CRTAC1: variants seen among roughly 807,000 people sequenced by gnomAD.
The protein encoded by CRTAC1 is cartilage acidic protein 1.
In CRTAC1, 37 loss-of-function variants were observed where a neutral mutation model predicts 67.8. The observed-to-expected ratio is 0.55, with a 90% CI of 0.42 to 0.72. The LOEUF (loss-of-function observed/expected upper bound fraction) is 0.72, where lower values mean the gene tolerates loss of function less well. Ranked by LOEUF, CRTAC1 falls within the 30% of genes least tolerant of loss-of-function variation. CRTAC1 has a pLI of 0.00. For synonymous variants in CRTAC1, 348 were observed against 371.0 expected (o/e 0.94, Z 0.71); for missense variants, 780 against 931.6 (o/e 0.84, Z 2.12).
intron 11 of CRTAC1, among the ~76,000 whole-genome samples, chr10:97,894,788 G>T (rs2050432197): frequency 8.8e-6 from 1 of 113,522 alleles, no homozygotes; most frequent in Admixed American, 1.2e-4. Flanking sequence ...TCATCCCCCT[G>T]CCCTTGCCAA....
intron 2 of CRTAC1, among the ~76,000 whole-genome samples, chr10:97,945,326 TC>T (rs928197382): frequency 6.6e-6 from 1 of 152,218 alleles, no homozygotes; most frequent in Non-Finnish European, 1.5e-5. Flanking sequence ...GTTTTTCTAC[TC>T]CTCTTTCTCT....
chr10:97,885,683 G>A (rs1304854295), intron 11 of CRTAC1, among the ~76,000 whole-genome samples: 1 of 152,174 alleles, frequency 6.6e-6, no homozygotes. Context: ...TTCCAGGAGA[G>A]GCTGCTCTCA....
In CRTAC1 at chr10:97,901,547, G is replaced by A. The variant is rs753762714; in HGVS notation, c.1089C>T (p.Phe363=). Residue 363 remains phenylalanine, a synonymous_variant, in exon 8 of 15, where the codon TTC becomes TTT. Coordinates refer to ENST00000370597, the MANE Select transcript of CRTAC1 (RefSeq NM_018058.7). ...AGGAGCTGCGGTAGGCAATGTTGTT[G>A]AAGAAGATCTCCAGCTCCTGGTCAT... ...FDNDQELEIF[F]NNIAYRSSSA... is the part of the protein sequence containing the mutation. 1 of 1,614,192 alleles carries A rather than the reference G, an allele frequency of 6.2e-7. No homozygotes were observed.
rs34627269 is a variant in CRTAC1 at position 97,876,283 on chromosome 10, G to A, written c.1819+3966C>T. Among the ~76,000 whole-genome samples, 6 of 152,234 alleles carry A rather than the reference G, an allele frequency of 3.9e-5. No homozygotes were observed. In the East Asian group the frequency reaches 9.7e-4, roughly 25 times the overall value. Reference sequence around the variant, plus strand: ...CAAACCATTTAGCTTATCTGTAAACGTGGGATAATTACAATACCTTCCTCT... The same window carrying A: ...CAAACCATTTAGCTTATCTGTAAACATGGGATAATTACAATACCTTCCTCT... On this transcript the variant is annotated intron_variant, in intron 14 of 14. Transcript: ENST00000370597.
At chr10:97,967,734 C>T (rs1264771240) in intron 2 of CRTAC1, among the ~76,000 whole-genome samples, 1 of 152,050 alleles carries the variant, frequency 6.6e-6, no homozygotes, top group Non-Finnish European at 1.5e-5. Context: ...GATCTGGTTG[C>T]TTCTGGAAGT....
At chr10:97,904,571 C>T in intron 7 of CRTAC1, 98 bp downstream of exon 7, 1 of 1,245,760 alleles carries the variant, frequency 8.0e-7, no homozygotes, top group Non-Finnish European at 1.1e-6. Flanking sequence ...AGGCACGCAC[C>T]ACCACACCTG....
chr10:97,973,629 C>T (rs761583766), intron 2 of CRTAC1, among the ~76,000 whole-genome samples: 14 of 152,284 alleles, frequency 9.2e-5, no homozygotes, highest in African/African-American at 2.6e-4. Context: ...TTCTAGGGAA[C>T]GCTTCCCAGC....
chr10:97,949,540 C>T (rs565215231), intron 2 of CRTAC1, among the ~76,000 whole-genome samples: 36 of 152,372 alleles, frequency 2.4e-4, no homozygotes, highest in African/African-American at 7.5e-4. Flanking sequence ...CCCAACCCTA[C>T]GGAGTGTCTT....
At chr10:97,978,919 C>T (rs1027830438) in intron 2 of CRTAC1, among the ~76,000 whole-genome samples, 5 of 152,182 alleles carry the variant, frequency 3.3e-5, no homozygotes, top group Admixed American at 3.3e-4. Flanking sequence ...CACAGCCTGG[C>T]ATTTAGCAGG....
chr10:97,974,067 C>T lies in CRTAC1; in HGVS notation c.224+37071G>A, dbSNP rs578131182. ...CTTTTGATTTTAAGATAAAATACCA[C>T]TTATATTTTTATCTCCCCTCAAAGA... On this transcript the variant is annotated intron_variant, in intron 2 of 14. Coordinates refer to ENST00000370597, the MANE Select transcript of CRTAC1 (RefSeq NM_018058.7). Among the ~76,000 whole-genome samples the T allele has an allele frequency of 9.9e-5, 15 of 151,906 alleles. No individual in the cohort carries two copies. The South Asian group carries it at 3.1e-3, about 32-fold the overall frequency.
At chr10:98,022,205 A>T (rs7080461) in intron 1 of CRTAC1, among the ~76,000 whole-genome samples, 410 of 152,102 alleles carry the variant, frequency 2.7e-3, no homozygotes, top group African/African-American at 9.0e-3. Context: ...AAAATACAAA[A>T]TTAGCTGGGT....
chr10:97,907,773 G>A (rs548449373), intron 6 of CRTAC1, among the ~76,000 whole-genome samples: 1 of 152,282 alleles, frequency 6.6e-6, no homozygotes, highest in African/African-American at 2.4e-5. Flanking sequence ...ACTGGAAGAT[G>A]GCAATTGGCA....
In CRTAC1 at chr10:98,014,801, G is replaced by C. The variant is rs1022329868; in HGVS notation, c.25-3464C>G. Among the ~76,000 whole-genome samples, 16 of 152,176 alleles carry C rather than the reference G, an allele frequency of 1.1e-4. 1 individual carries two copies. The highest frequency in any genetic ancestry group is 9.2e-4 in the Admixed American group (14 of 15,280). ...AATAAAAAACAAAAACAGAAAAAAAGTGTTGGTGAGGATGTAGAGAAATTG... is the reference window on the plus strand; with the variant it reads ...AATAAAAAACAAAAACAGAAAAAAACTGTTGGTGAGGATGTAGAGAAATTG... On this transcript the variant is annotated intron_variant, in intron 1 of 14. Coordinates refer to ENST00000370597, the MANE Select transcript of CRTAC1 (RefSeq NM_018058.7).
At chr10:97,954,663 G>A (rs2051412743) in intron 2 of CRTAC1, among the ~76,000 whole-genome samples, 2 of 152,298 alleles carry the variant, frequency 1.3e-5, no homozygotes. Context: ...TCGGGGCAAT[G>A]ACCCCGGTAT....
intron 6 of CRTAC1, among the ~76,000 whole-genome samples, chr10:97,906,118 C>T (rs1162044027): frequency 6.6e-6 from 1 of 152,064 alleles, no homozygotes; most frequent in Non-Finnish European, 1.5e-5. Flanking sequence ...CAGGGTGGGG[C>T]CCCCTGAGAA....
intron 7 of CRTAC1, among the ~76,000 whole-genome samples, chr10:97,901,959 C>T (rs547399567): frequency 6.6e-5 from 10 of 152,284 alleles, no homozygotes; most frequent in Non-Finnish European, 1.0e-4. Flanking sequence ...TCCCATTTGA[C>T]GGGTGAGGTA....
intron 13 of CRTAC1, among the ~76,000 whole-genome samples, chr10:97,881,257 CCTCCTG>C (rs1189453702): frequency 6.6e-6 from 1 of 152,236 alleles, no homozygotes; most frequent in African/African-American, 2.4e-5. Flanking sequence ...TACTGGCATC[CCTCCTG>C]CTCCTTCAAC....
At chr10:97,912,986 G>A (rs946599718) in intron 5 of CRTAC1, among the ~76,000 whole-genome samples, 1 of 152,200 alleles carries the variant, frequency 6.6e-6, no homozygotes, top group Non-Finnish European at 1.5e-5. Context: ...AGGGAACTTG[G>A]CCATCTGCTG....
chr10:97,874,808 C>T (rs1390977207), intron 14 of CRTAC1, among the ~76,000 whole-genome samples: 1 of 152,130 alleles, frequency 6.6e-6, no homozygotes, highest in Non-Finnish European at 1.5e-5. Context: ...TCAGGGAGCC[C>T]CCCTGCCCCC....
Sources: gnomAD v4.1 joint callset for allele counts (sites outside exome capture counted in the v4.1 genomes callset) on GRCh38, gnomAD v4.1.1 for gene constraint, MANE v1.5 for transcripts, NCBI Gene and HGNC (gene_info 2026-07-23, HGNC 2026-07-21) for gene names.